THRB: variants seen among roughly 807,000 people sequenced by gnomAD.
THRB encodes thyroid hormone receptor beta, also known as nuclear receptor subfamily 1 group A member 2.
Under a neutral mutation model 47.8 loss-of-function variants are expected in THRB, and 12 were observed. The observed-to-expected ratio is 0.25, with a 90% confidence interval of 0.16 to 0.41. THRB has a LOEUF of 0.41. Ranked by LOEUF, THRB falls within the 10% of genes least tolerant of loss-of-function variation. The pLI, the probability that THRB is intolerant of heterozygous loss-of-function variation, is 1.00. For synonymous variants in THRB, 218 were observed against 212.2 expected (o/e 1.03, Z -0.24); for missense variants, 348 against 589.2 (o/e 0.59, Z 4.24).
chr3:24,412,022 G>A (rs1396355643), intron 1 of THRB, among the ~76,000 whole-genome samples: 1 of 151,802 alleles, frequency 6.6e-6, no homozygotes, highest in Admixed American at 6.6e-5. Flanking sequence ...TGAATTTGGA[G>A]ATAGGATAGG....
intron 1 of THRB, among the ~76,000 whole-genome samples, chr3:24,425,192 C>A (rs13325697): frequency 6.6e-6 from 1 of 151,642 alleles, no homozygotes; most frequent in Non-Finnish European, 1.5e-5. Context: ...TAGTGATGCA[C>A]GTTGACAAAT....
chr3:24,338,534 A>G (rs940730830), intron 1 of THRB, among the ~76,000 whole-genome samples: 15 of 152,222 alleles, frequency 9.9e-5, no homozygotes, highest in Non-Finnish European at 2.2e-4. Flanking sequence ...GAGTAAATAC[A>G]TACTCAGTTG....
intron 2 of THRB, among the ~76,000 whole-genome samples, chr3:24,333,684 T>A (rs890943373): frequency 6.6e-6 from 1 of 152,260 alleles, no homozygotes; most frequent in African/African-American, 2.4e-5. Flanking sequence ...TTATTTAAAG[T>A]GTTCTTTTTC....
chr3:24,380,173 T>C (rs987686530), intron 1 of THRB, among the ~76,000 whole-genome samples: 4 of 149,132 alleles, frequency 2.7e-5, no homozygotes, highest in Middle Eastern at 3.4e-3. Context: ...TACCTACTTA[T>C]GCAACCCCAT....
chr3:24,414,805 C>T (rs1234233593), intron 1 of THRB, among the ~76,000 whole-genome samples: 1 of 151,764 alleles, frequency 6.6e-6, no homozygotes, highest in African/African-American at 2.4e-5. Flanking sequence ...TATTAGTAAC[C>T]TTAACAAATG....
chr3:24,347,577 G>T (rs868074459), intron 1 of THRB, among the ~76,000 whole-genome samples: 5 of 149,866 alleles, frequency 3.3e-5, no homozygotes, highest in African/African-American at 1.2e-4. Flanking sequence ...AAAGAATAAA[G>T]AATTTTTCTT....
intron 1 of THRB, among the ~76,000 whole-genome samples, chr3:24,396,175 A>G (rs1174608229): frequency 6.6e-6 from 1 of 152,018 alleles, no homozygotes; most frequent in Non-Finnish European, 1.5e-5. Flanking sequence ...ATAGGCATAT[A>G]TATATTTTTT....
chr3:24,188,866 T>TATATATATATATATATATATATATATAG (rs1456066997), intron 5 of THRB, among the ~76,000 whole-genome samples: 1 of 139,014 alleles, frequency 7.2e-6, no homozygotes, highest in African/African-American at 2.9e-5. Context: ...CAAATATATA[T>TATATATATATATATATATATATATATAG]ATATATATAT....
In THRB at chr3:24,179,453, G is replaced by T. The variant is rs530504609; in HGVS notation, c.283+10621C>A. 2.6e-5 allele frequency among the ~76,000 whole-genome samples: 4 copies of T among 152,278 alleles called. No individual in the cohort carries two copies. The South Asian group carries it at 8.3e-4, about 32-fold the overall frequency. ...CAAACACATACAGAGAATGAGAAAA[G>T]AAATATGGTAAAATGTTAACAATTG... On this transcript the variant is annotated intron_variant, in intron 5 of 10. Transcript: ENST00000646209.
At chr3:24,367,481 G>T (rs2064558962) in intron 1 of THRB, among the ~76,000 whole-genome samples, 1 of 152,128 alleles carries the variant, frequency 6.6e-6, no homozygotes, top group Non-Finnish European at 1.5e-5. Flanking sequence ...ATTCAGGCTT[G>T]ATATACTGGG....
rs189756911 is a variant in THRB at position 24,481,441 on chromosome 3, G to A, written c.-261+13211C>T. Among the ~76,000 whole-genome samples, 605 of 152,010 alleles carry A rather than the reference G, an allele frequency of 4.0e-3. 1 individual carries two copies. The highest frequency in any genetic ancestry group is 6.8e-3 in the Middle Eastern group (2 of 294). ...TGCATGTGGTTGGTCAAAACATCAG[G>A]AAAGTATTACTCAGCACGTACCTGC... On this transcript the variant is annotated intron_variant, in intron 1 of 10. Coordinates refer to ENST00000646209, the MANE Select transcript of THRB (RefSeq NM_001354712.2).
chr3:24,429,961 G>C (rs1197242358), intron 1 of THRB: 1 of 151,854 alleles, frequency 6.6e-6, no homozygotes, highest in Non-Finnish European at 1.5e-5. Flanking sequence ...TGGTGGCAAA[G>C]TTGAAAAAAA....
rs530631525 is a variant in THRB, at chr3:24,208,585, A to T, written c.23-18251T>A. 9.2e-5 allele frequency among the ~76,000 whole-genome samples: 14 copies of T among 152,362 alleles called. No individual in the cohort carries two copies. The East Asian group carries it at 2.5e-3, about 27-fold the overall frequency. ...CCGATCTTTGACAAACCTGACAAAAACAAGCAATGGGGAAAGGATTCCCTA... is the reference window on the plus strand; with the variant it reads ...CCGATCTTTGACAAACCTGACAAAATCAAGCAATGGGGAAAGGATTCCCTA... On this transcript the variant is annotated intron_variant, in intron 4 of 10. Coordinates refer to ENST00000646209, the MANE Select transcript of THRB (RefSeq NM_001354712.2).
chr3:24,136,873 A>C (rs1454546889), intron 8 of THRB, among the ~76,000 whole-genome samples: 1 of 152,048 alleles, frequency 6.6e-6, no homozygotes, highest in African/African-American at 2.4e-5. Context: ...CTTGCCTTAC[A>C]TTTTCCCATT....
intron 1 of THRB, among the ~76,000 whole-genome samples, chr3:24,415,637 T>A (rs1004582122): frequency 6.6e-6 from 1 of 151,804 alleles, no homozygotes; most frequent in Non-Finnish European, 1.5e-5. Context: ...AGAAAAAAAA[T>A]ATTTCAAGAA....
intron 7 of THRB, among the ~76,000 whole-genome samples, chr3:24,146,119 A>C (rs539107666): frequency 1.1e-4 from 16 of 152,348 alleles, no homozygotes; most frequent in South Asian, 2.1e-4. Flanking sequence ...AATATAACAA[A>C]CAACCAACTG....
intron 2 of THRB, among the ~76,000 whole-genome samples, chr3:24,309,428 A>G (rs900385620): frequency 2.0e-5 from 3 of 152,132 alleles, no homozygotes; most frequent in African/African-American, 7.2e-5. Flanking sequence ...ACAGGGTGCA[A>G]TCCAAAATTT....
intron 1 of THRB, among the ~76,000 whole-genome samples, chr3:24,475,768 C>G (rs1358217569): frequency 6.6e-6 from 1 of 152,154 alleles, no homozygotes; most frequent in Admixed American, 6.5e-5. Context: ...AGAATATGAA[C>G]ACCATCAACT....
chr3:24,241,318 G>T (rs113222240), intron 3 of THRB, among the ~76,000 whole-genome samples: 1 of 152,176 alleles, frequency 6.6e-6, no homozygotes, highest in East Asian at 1.9e-4. Flanking sequence ...CCAATAATGC[G>T]TACTTAGAAA....
Sources: allele counts gnomAD v4.1 joint callset (sites outside exome capture counted in the v4.1 genomes callset), GRCh38; gene constraint gnomAD v4.1.1; transcripts MANE v1.5; gene names NCBI Gene and HGNC (gene_info 2026-07-23, HGNC 2026-07-21).